Variants in GRM1 observed in about 807,000 individuals in gnomAD.
GRM1 encodes metabotropic glutamate receptor 1.
In GRM1, 33 loss-of-function variants were observed where a neutral mutation model predicts 90.9. That is an observed-to-expected ratio of 0.36 (90% CI 0.28 to 0.49). The LOEUF (loss-of-function observed/expected upper bound fraction) is 0.49, where lower values mean the gene tolerates loss of function less well. Ranked by LOEUF, GRM1 falls within the 20% of genes least tolerant of loss-of-function variation. The probability of loss-of-function intolerance (pLI) is 0.99; values close to 1 mark genes in which losing one functional copy is unlikely to be tolerated. For synonymous variants in GRM1, 700 were observed against 613.2 expected (o/e 1.14, Z -2.09); for missense variants, 1,190 against 1,534.3 (o/e 0.78, Z 3.75).
At chr6:146,276,193 C>T (rs964857886) in intron 2 of GRM1, among the ~76,000 whole-genome samples, 1 of 151,994 alleles carries the variant, frequency 6.6e-6, no homozygotes, top group African/African-American at 2.4e-5. Context: ...TGGTTATTAC[C>T]GGGTACCACC....
At chr6:146,269,648 A>C (rs536096795) in intron 2 of GRM1, among the ~76,000 whole-genome samples, 1 of 152,316 alleles carries the variant, frequency 6.6e-6, no homozygotes, top group South Asian at 2.1e-4. Flanking sequence ...CCAGCAGATC[A>C]GCAGGGTCAT....
chr6:146,084,056 A>G (rs1303137626), intron 1 of GRM1, among the ~76,000 whole-genome samples: 1 of 152,016 alleles, frequency 6.6e-6, no homozygotes, highest in Non-Finnish European at 1.5e-5. Context: ...GGTAATTTGT[A>G]TTTCTGTGGG....
intron 3 of GRM1, among the ~76,000 whole-genome samples, 154 bp downstream of exon 3, chr6:146,305,000 G>A (rs1329701823): frequency 6.6e-6 from 1 of 151,382 alleles, no homozygotes; most frequent in African/African-American, 2.4e-5. Flanking sequence ...AGGAGGAATT[G>A]TGTATTACCC....
intron 2 of GRM1, among the ~76,000 whole-genome samples, chr6:146,246,812 A>G (rs1352030888): frequency 1.3e-5 from 2 of 152,212 alleles, no homozygotes; most frequent in African/African-American, 4.8e-5. Context: ...AAGTTATAAA[A>G]GTTTTTGAGC....
rs897386124 is a variant in GRM1 at position 146,108,182 on chromosome 6, C to T, written c.701-51166C>T. ...CCTAGCTGATAAATAGATATGTTCA[C>T]GCTGAAATTTGGGTGTAAGGATTCA... On this transcript the variant is annotated intron_variant, in intron 1 of 7. Coordinates refer to ENST00000282753, the MANE Select transcript of GRM1 (RefSeq NM_001278064.2). 2.7e-4 allele frequency among the ~76,000 whole-genome samples: 41 copies of T among 152,256 alleles called. 1 individual carries two copies. The highest frequency in any genetic ancestry group is 2.0e-3 in the Admixed American group (30 of 15,300).
intron 2 of GRM1, among the ~76,000 whole-genome samples, chr6:146,252,275 C>A (rs1205466615): frequency 6.6e-6 from 1 of 152,136 alleles, no homozygotes; most frequent in Non-Finnish European, 1.5e-5. Flanking sequence ...GTTTGATTCA[C>A]TTTTTAATAA....
intron 1 of GRM1, among the ~76,000 whole-genome samples, chr6:146,130,187 C>T (rs866515398): frequency 1.1e-4 from 17 of 152,004 alleles, no homozygotes; most frequent in African/African-American, 4.1e-4. Flanking sequence ...CTTTTATTCC[C>T]ACTGTTGTTT....
intron 7 of GRM1, among the ~76,000 whole-genome samples, chr6:146,429,484 A>T (rs969647588): frequency 1.3e-5 from 2 of 152,230 alleles, no homozygotes; most frequent in Non-Finnish European, 2.9e-5. Flanking sequence ...CAGAAGTCTG[A>T]TACAACTGGT....
chr6:146,373,939 C>T (rs1239819070), intron 5 of GRM1, among the ~76,000 whole-genome samples: 1 of 152,056 alleles, frequency 6.6e-6, no homozygotes, highest in East Asian at 1.9e-4. Context: ...TTGTTGTGCT[C>T]CACATCTTAG....
intron 1 of GRM1, among the ~76,000 whole-genome samples, chr6:146,034,871 A>G (rs1172970401): frequency 6.6e-6 from 1 of 152,048 alleles, no homozygotes; most frequent in Non-Finnish European, 1.5e-5. Flanking sequence ...TTTACTGCAT[A>G]AAAACTTTAA....
chr6:146,161,332 C>A (rs900514868), intron 2 of GRM1, among the ~76,000 whole-genome samples: 1 of 152,070 alleles, frequency 6.6e-6, no homozygotes, highest in Non-Finnish European at 1.5e-5. Context: ...CAAAATTGTG[C>A]GGTGTGTAAT....
chr6:146,225,013 C>G (rs1367008167), intron 2 of GRM1, among the ~76,000 whole-genome samples: 1 of 152,092 alleles, frequency 6.6e-6, no homozygotes, highest in Non-Finnish European at 1.5e-5. Context: ...TGTTTATGTC[C>G]TCCATCATCC....
At chr6:146,288,070 G>A (rs547714437) in intron 2 of GRM1, among the ~76,000 whole-genome samples, 1 of 152,168 alleles carries the variant, frequency 6.6e-6, no homozygotes, top group African/African-American at 2.4e-5. Context: ...AAATGATCTG[G>A]GTACTTGGTC....
At chr6:146,295,055 C>A (rs764866549) in intron 2 of GRM1, among the ~76,000 whole-genome samples, 1 of 151,856 alleles carries the variant, frequency 6.6e-6, no homozygotes, top group Non-Finnish European at 1.5e-5. Flanking sequence ...GCTTATCTTG[C>A]GCTTGCTGTT....
At chr6:146,238,837 C>T (rs1207518244) in intron 2 of GRM1, among the ~76,000 whole-genome samples, 3 of 152,094 alleles carry the variant, frequency 2.0e-5, no homozygotes, top group Non-Finnish European at 4.4e-5. Context: ...TATGCTCTTT[C>T]CCTAATATGC....
At chr6:146,213,768 G>A (rs1278999240) in intron 2 of GRM1, among the ~76,000 whole-genome samples, 1 of 151,978 alleles carries the variant, frequency 6.6e-6, no homozygotes, top group African/African-American at 2.4e-5. Context: ...GGGGAATTGG[G>A]TCACATGACC....
intron 1 of GRM1, among the ~76,000 whole-genome samples, chr6:146,152,754 G>A (rs1777386350): frequency 6.6e-6 from 1 of 152,114 alleles, no homozygotes; most frequent in Non-Finnish European, 1.5e-5. Flanking sequence ...ACTCTTAAAG[G>A]GCAGAGCACA....
At chr6:146,144,805 T>C (rs1364954403) in intron 1 of GRM1, among the ~76,000 whole-genome samples, 1 of 152,112 alleles carries the variant, frequency 6.6e-6, no homozygotes, top group East Asian at 1.9e-4. Flanking sequence ...GACAAGAAGA[T>C]GGGGAAAATC....
At chr6:146,367,702 G>A (rs9403777) in intron 5 of GRM1, among the ~76,000 whole-genome samples, 29,755 of 151,970 alleles carry the variant, frequency 0.2, 3,808 homozygotes, top group African/African-American at 0.37. Context: ...GTTTGCTTAG[G>A]ATGATGGCCT....
Sources: allele counts gnomAD v4.1 joint callset (sites outside exome capture counted in the v4.1 genomes callset), GRCh38; gene constraint gnomAD v4.1.1; transcripts MANE v1.5; gene names NCBI Gene and HGNC (gene_info 2026-07-23, HGNC 2026-07-21).